Variants in PHACTR3 observed in about 807,000 individuals in gnomAD.
The protein encoded by PHACTR3 is protein phosphatase 1, regulatory subunit 123.
In PHACTR3, 16 loss-of-function variants were observed where a neutral mutation model predicts 66.8. The observed-to-expected ratio is 0.24, with a 90% confidence interval of 0.16 to 0.36. PHACTR3 has a LOEUF of 0.36. Ranked by LOEUF, PHACTR3 falls within the 10% of genes least tolerant of loss-of-function variation. The probability of loss-of-function intolerance (pLI) is 1.00; values close to 1 mark genes in which losing one functional copy is unlikely to be tolerated. For missense variants in PHACTR3, 647 were observed against 719.9 expected (o/e 0.90, Z 1.16); for synonymous variants, 323 against 292.1 (o/e 1.11, Z -1.08).
intron 1 of PHACTR3, among the ~76,000 whole-genome samples, chr20:59,639,155 G>A (rs1298058705): frequency 6.6e-6 from 1 of 152,052 alleles, no homozygotes; most frequent in Non-Finnish European, 1.5e-5. Context: ...TGGGTAGGTG[G>A]GTGGGTGGGT....
At chr20:59,740,937 G>C (rs544175191) in intron 1 of PHACTR3, among the ~76,000 whole-genome samples, 1 of 152,360 alleles carries the variant, frequency 6.6e-6, no homozygotes, top group East Asian at 1.9e-4. Flanking sequence ...CCTTGGGGCA[G>C]CCAGTGGCAT....
At chr20:59,837,908 G>A (rs569869492) in intron 9 of PHACTR3, among the ~76,000 whole-genome samples, 1 of 152,240 alleles carries the variant, frequency 6.6e-6, no homozygotes, top group South Asian at 2.1e-4. Context: ...CCTTCCTATC[G>A]TGGGCAACCA....
At position 59,817,251 on chromosome 20, in the gene PHACTR3, A is replaced by G. The variant is rs566871864; in HGVS notation, c.1328+11057A>G. Among the ~76,000 whole-genome samples, 5 of 152,312 alleles carry G rather than the reference A, an allele frequency of 3.3e-5. No individual in the cohort carries two copies. The East Asian group carries it at 7.7e-4, about 24-fold the overall frequency. On this transcript the variant is annotated intron_variant, in intron 8 of 12. Coordinates refer to ENST00000371015, the MANE Select transcript of PHACTR3 (RefSeq NM_080672.5). ...CTCAGGACCTCAGTGGCCATTGCCA[A>G]TTTTGGAGACTGGTTCTGTGCTGTC...
intron 7 of PHACTR3, among the ~76,000 whole-genome samples, chr20:59,789,087 A>G (rs2041013159): frequency 6.6e-6 from 1 of 152,218 alleles, no homozygotes; most frequent in Admixed American, 6.5e-5. Context: ...GACTGTTTCG[A>G]GGCATTGAAC....
intron 1 of PHACTR3, among the ~76,000 whole-genome samples, chr20:59,689,207 A>G (rs568107018): frequency 4.6e-5 from 7 of 152,232 alleles, no homozygotes; most frequent in Non-Finnish European, 8.8e-5. Context: ...CATCAGCTCA[A>G]TGGGTGGGAC....
At chr20:59,595,773 G>A (rs6026982) in intron 1 of PHACTR3, among the ~76,000 whole-genome samples, 1 of 152,286 alleles carries the variant, frequency 6.6e-6, no homozygotes, top group African/African-American at 2.4e-5. Flanking sequence ...TCTGTCATTA[G>A]GTGTGTACGC....
At chr20:59,634,656 C>T (rs1199767325) in intron 1 of PHACTR3, among the ~76,000 whole-genome samples, 1 of 152,162 alleles carries the variant, frequency 6.6e-6, no homozygotes, top group African/African-American at 2.4e-5. Flanking sequence ...AATCGCTGCT[C>T]CCTGCCCTCA....
chr20:59,779,840 C>T (rs938159690), intron 7 of PHACTR3, among the ~76,000 whole-genome samples: 1 of 152,240 alleles, frequency 6.6e-6, no homozygotes, highest in Non-Finnish European at 1.5e-5. Context: ...GTGGGTATGC[C>T]TGGTCAGCGG....
chr20:59,706,922 T>A (rs2146630746), intron 1 of PHACTR3, among the ~76,000 whole-genome samples: 1 of 152,330 alleles, frequency 6.6e-6, no homozygotes, highest in East Asian at 1.9e-4. Context: ...AGTCCTCACA[T>A]CATCTGTGGA....
intron 1 of PHACTR3, among the ~76,000 whole-genome samples, chr20:59,725,891 T>C (rs903074076): frequency 2.0e-4 from 30 of 152,154 alleles, no homozygotes; most frequent in Non-Finnish European, 4.0e-4. Flanking sequence ...CAAAAGCACA[T>C]GGGAGCTGGG....
At chr20:59,750,136 C>T (rs1172404764) in intron 3 of PHACTR3, among the ~76,000 whole-genome samples, 1 of 151,866 alleles carries the variant, frequency 6.6e-6, no homozygotes, top group Non-Finnish European at 1.5e-5. Flanking sequence ...GGTAATCCCA[C>T]AAAAAGCCGG....
chr20:59,584,339 G>T (rs1230506579), intron 1 of PHACTR3, among the ~76,000 whole-genome samples: 1 of 150,934 alleles, frequency 6.6e-6, no homozygotes, highest in African/African-American at 2.4e-5. Context: ...GCTGTGATGA[G>T]TGCATGTGCC....
intron 1 of PHACTR3, among the ~76,000 whole-genome samples, chr20:59,735,016 G>C (rs1488929018): frequency 1.3e-5 from 2 of 151,864 alleles, no homozygotes; most frequent in African/African-American, 4.8e-5. Context: ...GAGTCCCCCG[G>C]GAGAGAGGGT....
intron 1 of PHACTR3, among the ~76,000 whole-genome samples, chr20:59,619,288 C>T (rs1256795717): frequency 6.6e-6 from 1 of 152,104 alleles, no homozygotes; most frequent in Non-Finnish European, 1.5e-5. Context: ...GGACAAAATT[C>T]TTCCTGGAGA....
Position 59,615,549 on chromosome 20 carries a change from G to T in PHACTR3, c.118+10417G>T, listed in dbSNP as rs139263377. On this transcript the variant is annotated intron_variant, in intron 1 of 12. Transcript: ENST00000371015. ...CTGTATCCCATTCATTCTCTGCCAG[G>T]TATCACAGGCTTCTGCAAAAGCATT... Among the ~76,000 whole-genome samples the T allele has an allele frequency of 5.0e-3, 754 of 152,290 alleles. 8 individuals carry two copies. The highest frequency in any genetic ancestry group is 0.017 in the African/African-American group (724 of 41,568).
At chr20:59,670,425 G>A (rs1359416701) in intron 1 of PHACTR3, among the ~76,000 whole-genome samples, 1 of 152,178 alleles carries the variant, frequency 6.6e-6, no homozygotes, top group Non-Finnish European at 1.5e-5. Flanking sequence ...TTTGTCCTGT[G>A]AGAAGTCTGA....
At position 59,847,395 on chromosome 20, in the gene PHACTR3, CTGT is replaced by C. The variant is rs779890648; in HGVS notation, c.*270_*272del. The C allele has an allele frequency of 1.4e-5, 5 of 345,516 alleles. No homozygotes were observed. Among genetic ancestry groups the C allele is most frequent in the Non-Finnish European group, 2.2e-5 (4 of 185,216 alleles). 21.4% of individuals were successfully genotyped at this position (345,516 alleles called of 1,614,324 possible). A position where few individuals can be genotyped will look rare whatever the true frequency, so the allele number is the denominator to read the frequency against. ...CCAACATAACTCTATCAGAAGAAAACTGTTGTTTGCCTTTCAACCTTGTTTTAC... is the reference window on the plus strand; with the variant it reads ...CCAACATAACTCTATCAGAAGAAAACTGTTTGCCTTTCAACCTTGTTTTAC... On this transcript the variant is annotated 3_prime_UTR_variant, in exon 13 of 13. Coordinates refer to ENST00000371015, the MANE Select transcript of PHACTR3 (RefSeq NM_080672.5).
intron 11 of PHACTR3, chr20:59,844,977 A>G (rs2059124740): frequency 2.5e-6 from 1 of 407,084 alleles, no homozygotes; most frequent in East Asian, 4.4e-5. Flanking sequence ...AATTTTTACA[A>G]AGACTTCCAG....
intron 1 of PHACTR3, among the ~76,000 whole-genome samples, chr20:59,642,332 T>C (rs1191379483): frequency 2.6e-5 from 4 of 151,794 alleles, no homozygotes; most frequent in Non-Finnish European, 4.4e-5. Flanking sequence ...TTTTTCTGAT[T>C]AGAACAAAAA....
Sources: gnomAD v4.1 joint callset for allele counts (sites outside exome capture counted in the v4.1 genomes callset) on GRCh38, gnomAD v4.1.1 for gene constraint, MANE v1.5 for transcripts, NCBI Gene and HGNC (gene_info 2026-07-23, HGNC 2026-07-21) for gene names.